The following DPF3 variants were observed in gnomAD, a reference collection of about 807,000 sequenced individuals.
DPF3 encodes the protein zinc finger protein DPF3.
In DPF3, 18 loss-of-function variants were observed where a neutral mutation model predicts 56.8. The ratio of observed to expected loss-of-function variants is 0.32; its 90% confidence interval spans 0.22 to 0.47. The LOEUF is 0.47. DPF3 is among the 20% of genes least tolerant of loss of function. The pLI, the probability that DPF3 is intolerant of heterozygous loss-of-function variation, is 1.00. For synonymous variants in DPF3, 188 were observed against 180.2 expected (o/e 1.04, Z -0.35); for missense variants, 403 against 488.8 (o/e 0.82, Z 1.65).
At chr14:72,680,662 A>G (rs961829906) in intron 7 of DPF3, among the ~76,000 whole-genome samples, 1 of 152,228 alleles carries the variant, frequency 6.6e-6, no homozygotes, top group Non-Finnish European at 1.5e-5. Flanking sequence ...GGGGCTGATA[A>G]ACTGTCACAC....
intron 1 of DPF3, among the ~76,000 whole-genome samples, chr14:72,866,112 T>G (rs1885650999): frequency 6.6e-6 from 1 of 152,168 alleles, no homozygotes; most frequent in Non-Finnish European, 1.5e-5. Context: ...CTGTCTCCAC[T>G]TTGTATGAGA....
chr14:72,854,602 A>G (rs1885108641), intron 1 of DPF3, among the ~76,000 whole-genome samples: 1 of 152,192 alleles, frequency 6.6e-6, no homozygotes, highest in Non-Finnish European at 1.5e-5. Flanking sequence ...AAAATTGTTC[A>G]CTTACAGCTG....
intron 3 of DPF3, among the ~76,000 whole-genome samples, chr14:72,749,933 T>C (rs1890496562): frequency 6.6e-6 from 1 of 152,112 alleles, no homozygotes; most frequent in Non-Finnish European, 1.5e-5. Context: ...ACGCTCACTA[T>C]GCTTGAGCAC....
intron 1 of DPF3, among the ~76,000 whole-genome samples, chr14:72,858,376 G>A (rs1020359682): frequency 3.5e-5 from 5 of 143,654 alleles, no homozygotes; most frequent in Admixed American, 2.1e-4. Context: ...CTGCTATATG[G>A]CTAAATCCCA....
chr14:72,861,743 G>GAA (rs1267402293), intron 1 of DPF3, among the ~76,000 whole-genome samples: 3 of 114,108 alleles, frequency 2.6e-5, no homozygotes, highest in East Asian at 2.6e-4. Context: ...GAAAGAGAAA[G>GAA]AAAGAAAGAA....
At chr14:72,696,796 C>T (rs1887921493) in intron 6 of DPF3, among the ~76,000 whole-genome samples, 1 of 152,280 alleles carries the variant, frequency 6.6e-6, no homozygotes, top group Non-Finnish European at 1.5e-5. Flanking sequence ...CCATCCACAT[C>T]TCCTGGCAAC....
rs1387608483 is a variant in DPF3, at chr14:72,756,910, G to GAAAGAAAGAA, written c.194-3549_194-3540dup. On this transcript the variant is annotated intron_variant, in intron 2 of 10. Coordinates refer to ENST00000556509, the MANE Select transcript of DPF3 (RefSeq NM_001280542.3). ...GAAAGAAAGAAAGAAAAGAAAAAAA[G>GAAAGAAAGAA]AAAGAAAGAAAGAAAGAAAGAAGAG... Among the ~76,000 whole-genome samples the GAAAGAAAGAA allele has an allele frequency of 8.3e-3, 1,100 of 132,744 alleles. 30 individuals carry two copies. The highest frequency in any genetic ancestry group is 0.034 in the African/African-American group (1,040 of 30,224). The allele number at this position is 132,744 out of a possible 152,430, so 87.1% of individuals were successfully genotyped here.
At position 72,866,487 on chromosome 14, in the gene DPF3, G is replaced by A. The variant is rs752690469; in HGVS notation, c.32+27570C>T. 4.1e-4 allele frequency among the ~76,000 whole-genome samples: 62 copies of A among 150,752 alleles called. 4 individuals are homozygous for A. Among genetic ancestry groups the A allele is most frequent in the South Asian group, 6.3e-4 (3 of 4,798 alleles). ...TTCGAATGCACAGGCTCAGGTACCC[G>A]CCTCTGCTCCATCGATACCAGCCAT... On this transcript the variant is annotated intron_variant, in intron 1 of 10. Transcript: ENST00000556509.
At chr14:72,794,150 A>C (rs1003805585) in intron 1 of DPF3, among the ~76,000 whole-genome samples, 3 of 152,156 alleles carry the variant, frequency 2.0e-5, no homozygotes, top group African/African-American at 7.2e-5. Context: ...GAGCTTCACT[A>C]CCCTCAGCTG....
chr14:72,671,763 C>A (rs1435069378), intron 8 of DPF3, among the ~76,000 whole-genome samples: 1 of 152,206 alleles, frequency 6.6e-6, no homozygotes, highest in Non-Finnish European at 1.5e-5. Context: ...TTCACTTTGA[C>A]AGTCAGCTGT....
chr14:72,789,115 G>C (rs1892327002), intron 1 of DPF3, among the ~76,000 whole-genome samples: 1 of 152,196 alleles, frequency 6.6e-6, no homozygotes, highest in Non-Finnish European at 1.5e-5. Context: ...GCACGTTGCA[G>C]TCCTGGCTGT....
At chr14:72,862,723 C>T (rs1885486054) in intron 1 of DPF3, among the ~76,000 whole-genome samples, 1 of 152,124 alleles carries the variant, frequency 6.6e-6, no homozygotes, top group Admixed American at 6.5e-5. Context: ...TCCTCTTCTC[C>T]TGGATGACCC....
rs5809583 is a variant in DPF3, at chr14:72,662,938, T to TAA, written c.871+11300_871+11301dup. 3,064 of 568,250 alleles carry TAA rather than the reference T, an allele frequency of 5.4e-3. 109 individuals are homozygous for TAA. The East Asian group carries it at 0.12, about 23-fold the overall frequency. 35.2% of individuals were successfully genotyped at this position (568,250 alleles called of 1,614,324 possible). On this transcript the variant is annotated intron_variant, in intron 8 of 10. Coordinates refer to ENST00000556509, the MANE Select transcript of DPF3 (RefSeq NM_001280542.3). ...AAGGGGTGACAGAAATGAAATGAAT[T>TAA]AAAAAAAAAAAAGAAGAAGAAAGAA...
At chr14:72,793,546 T>A (rs1243465303) in intron 1 of DPF3, among the ~76,000 whole-genome samples, 1 of 152,104 alleles carries the variant, frequency 6.6e-6, no homozygotes, top group Middle Eastern at 3.2e-3. Context: ...TTTATCTCCA[T>A]CCTCACACTC....
chr14:72,864,929 A>G (rs932121379), intron 1 of DPF3, among the ~76,000 whole-genome samples: 2 of 152,244 alleles, frequency 1.3e-5, no homozygotes, highest in African/African-American at 2.4e-5. Flanking sequence ...GGTTAAGCCA[A>G]TATGACTCGG....
At chr14:72,640,966 G>A (rs890554487) in intron 8 of DPF3, among the ~76,000 whole-genome samples, 1 of 152,176 alleles carries the variant, frequency 6.6e-6, no homozygotes, top group African/African-American at 2.4e-5. Flanking sequence ...GGAGTTGAAA[G>A]CGTTAAAGAG....
intron 3 of DPF3, among the ~76,000 whole-genome samples, chr14:72,749,166 G>A (rs1890450458): frequency 6.6e-6 from 1 of 152,246 alleles, no homozygotes; most frequent in Non-Finnish European, 1.5e-5. Flanking sequence ...AGCCACAGGG[G>A]TGGAGTTGCC....
intron 2 of DPF3, among the ~76,000 whole-genome samples, chr14:72,755,090 C>T (rs781265767): frequency 7.9e-5 from 12 of 152,338 alleles, no homozygotes; most frequent in African/African-American, 2.6e-4. Context: ...CCCCTGCACC[C>T]CCTCTCCCAC....
chr14:72,859,200 C>T (rs1259566408), intron 1 of DPF3, among the ~76,000 whole-genome samples: 1 of 152,014 alleles, frequency 6.6e-6, no homozygotes, highest in South Asian at 2.1e-4. Flanking sequence ...GATGAGACAA[C>T]GCTGGCTCTG....
Sources: gnomAD v4.1 joint callset for allele counts (sites outside exome capture counted in the v4.1 genomes callset) on GRCh38, gnomAD v4.1.1 for gene constraint, MANE v1.5 for transcripts, NCBI Gene and HGNC (gene_info 2026-07-23, HGNC 2026-07-21) for gene names.